SAFB: variants seen among roughly 807,000 people sequenced by gnomAD.
SAFB encodes the protein scaffold attachment factor B1.
Under a neutral mutation model 101.6 loss-of-function variants are expected in SAFB, and 15 were observed. That is an observed-to-expected ratio of 0.15 (90% confidence interval 0.10 to 0.23). SAFB has a LOEUF of 0.23. Among genes scored for constraint, SAFB ranks in the 10% least tolerant of loss-of-function variants. The probability of loss-of-function intolerance (pLI) is 1.00; values close to 1 mark genes in which losing one functional copy is unlikely to be tolerated. For missense variants in SAFB, 930 were observed against 1,104.1 expected (o/e 0.84, Z 2.23); for synonymous variants, 449 against 407.5 (o/e 1.10, Z -1.23).
chr19:5,653,054 AT>A, intron 9 of SAFB, 60 bp from the exon 10 acceptor site: 1 of 1,580,504 alleles, frequency 6.3e-7, no homozygotes, highest in Non-Finnish European at 8.7e-7. Flanking sequence ...GGGTGTTCAT[AT>A]CCCCATGCCC....
intron 2 of SAFB, among the ~76,000 whole-genome samples, chr19:5,635,402 G>A (rs1568252832): frequency 6.6e-6 from 1 of 152,020 alleles, no homozygotes; most frequent in Non-Finnish European, 1.5e-5. Context: ...ATTTCCATAT[G>A]TATCATATAA....
chr19:5,634,973 A>G (rs769307801), intron 2 of SAFB, among the ~76,000 whole-genome samples: 1 of 152,072 alleles, frequency 6.6e-6, no homozygotes, highest in Non-Finnish European at 1.5e-5. Context: ...CCTTGTCTCT[A>G]CAAAAAAATA....
chr19:5,632,041 T>G (rs2053501476), intron 2 of SAFB, among the ~76,000 whole-genome samples: 1 of 152,144 alleles, frequency 6.6e-6, no homozygotes, highest in African/African-American at 2.4e-5. Flanking sequence ...AGGGCAAGAC[T>G]CTGTCTCGAA....
intron 2 of SAFB, among the ~76,000 whole-genome samples, chr19:5,631,300 C>G (rs1261207450): frequency 6.6e-6 from 1 of 152,204 alleles, no homozygotes; most frequent in Non-Finnish European, 1.5e-5. Flanking sequence ...GATTACTTCA[C>G]CAGATATTAG....
intron 14 of SAFB, among the ~76,000 whole-genome samples, chr19:5,659,371 A>G (rs2054142061): frequency 6.6e-6 from 1 of 151,852 alleles, no homozygotes; most frequent in Non-Finnish European, 1.5e-5. Context: ...CTATAAAGTT[A>G]TCACCCTTTT....
intron 14 of SAFB, among the ~76,000 whole-genome samples, chr19:5,660,257 C>G (rs1257531044): frequency 6.8e-6 from 1 of 147,796 alleles, no homozygotes; most frequent in Non-Finnish European, 1.5e-5. Flanking sequence ...TTCTAGATAA[C>G]TTCTAATACA....
rs1272452295 is a variant in SAFB at position 5,661,490 on chromosome 19, C to A, written c.1863-28C>A. 4 of 1,607,868 alleles carry A rather than the reference C, an allele frequency of 2.5e-6. No individual in the cohort carries two copies. In the African/African-American group the frequency reaches 4.0e-5, roughly 16 times the overall value. On this transcript the variant is annotated intron_variant, in intron 14 of 20. Transcript: ENST00000588852. ...GGGACCTGGCTGGGGGTGTCTAGGTCCCCTTCTGCAGCTCTACTGTTGTGC... is the reference window on the plus strand; with the variant it reads ...GGGACCTGGCTGGGGGTGTCTAGGTACCCTTCTGCAGCTCTACTGTTGTGC...
chr19:5,651,768 G>A (rs761526086), intron 9 of SAFB, among the ~76,000 whole-genome samples: 1 of 152,140 alleles, frequency 6.6e-6, no homozygotes, highest in African/African-American at 2.4e-5. Flanking sequence ...AGGGCTCCTC[G>A]TCTCTCTCAG....
chr19:5,658,717 C>G (rs948791589), intron 14 of SAFB, among the ~76,000 whole-genome samples: 9 of 151,998 alleles, frequency 5.9e-5, no homozygotes, highest in Admixed American at 3.3e-4. Context: ...GTGGCGGGCG[C>G]CTGTAGTCCC....
At chr19:5,627,361 G>T (rs1393669036) in intron 2 of SAFB, among the ~76,000 whole-genome samples, 1 of 151,890 alleles carries the variant, frequency 6.6e-6, no homozygotes, top group Non-Finnish European at 1.5e-5. Context: ...CTAGCTACTT[G>T]GGAGGCTAAG....
chr19:5,651,889 G>A (rs111680582), intron 9 of SAFB, among the ~76,000 whole-genome samples: 2 of 152,172 alleles, frequency 1.3e-5, no homozygotes, highest in South Asian at 2.1e-4. Context: ...TACTGACTTC[G>A]AAGAACTTAA....
intron 13 of SAFB, 114 bp downstream of exon 13, chr19:5,654,570 C>A: frequency 1.3e-6 from 1 of 757,390 alleles, no homozygotes; most frequent in Non-Finnish European, 2.3e-6. Flanking sequence ...TCGGCCGTTT[C>A]GAAAATGTAG....
intron 9 of SAFB, 141 bp downstream of exon 9, chr19:5,651,213 G>C: frequency 3.6e-6 from 2 of 557,466 alleles, no homozygotes; most frequent in Non-Finnish European, 3.2e-6. Context: ...GGGTCTGCCC[G>C]TCCACAGGTA....
intron 2 of SAFB, among the ~76,000 whole-genome samples, chr19:5,628,729 C>G (rs73920032): frequency 3.9e-5 from 6 of 152,186 alleles, no homozygotes; most frequent in Non-Finnish European, 8.8e-5. Flanking sequence ...GCTGGGAGAA[C>G]AGCAGAATGA....
rs1389696651 is a variant in SAFB, at chr19:5,667,376, G to A, written c.2483G>A (p.Arg828Gln). Residue 828 changes from arginine (R) to glutamine (Q), a missense_variant, in exon 19 of 21, where the codon CGA (arginine) becomes CAA (glutamine). Transcript: ENST00000588852. This position sits in a 1 kb window ranked among gnomAD's most constrained non-coding sequence, Gnocchi z 4.0. ...RGRRDWGDHG[R>Q]REDDRSWQGT... ...AGACGTGACTGGGGGGACCATGGCC[G>A]AAGAGAGGATGACCGGTCATGGCAG... 1.1e-5 allele frequency: 17 copies of A among 1,508,818 alleles called. No homozygotes were observed. The highest frequency in any genetic ancestry group is 2.5e-5 in the East Asian group (1 of 40,458). 93.5% of individuals were successfully genotyped at this position (1,508,818 alleles called of 1,614,324 possible).
intron 5 of SAFB, among the ~76,000 whole-genome samples, chr19:5,647,131 G>C (rs537618963): frequency 1.3e-5 from 2 of 152,324 alleles, no homozygotes; most frequent in Admixed American, 1.3e-4. Context: ...CATAAAGGCT[G>C]GGGGATCACA....
chr19:5,633,321 C>G (rs988792845), intron 2 of SAFB, among the ~76,000 whole-genome samples: 1 of 152,214 alleles, frequency 6.6e-6, no homozygotes, highest in Non-Finnish European at 1.5e-5. Context: ...CCCTGTCAGA[C>G]AGGCTCCCCT....
Position 5,626,467 on chromosome 19 carries a change from A to G in SAFB, c.252A>G (p.Lys84=), listed in dbSNP as rs2053363516. 2 of 1,606,252 alleles carry G rather than the reference A, an allele frequency of 1.2e-6. No individual in the cohort carries two copies. The highest frequency in any genetic ancestry group is 8.5e-7 in the Non-Finnish European group (1 of 1,172,858). The stretch of plus-strand genomic sequence containing the variant: ...AAATTACCTCCGAGGGAAACAAGAA[A>G]ACATCAAAGAGGTCTAGCAAAGGTA... ...EIEITSEGNK[K]TSKRSSKGRK... The change falls in exon 2 of 21, where the codon AAA becomes AAG. Residue 84 remains lysine, a synonymous_variant. Transcript: ENST00000588852.
chr19:5,659,507 T>G (rs2054145942), intron 14 of SAFB, among the ~76,000 whole-genome samples: 1 of 151,612 alleles, frequency 6.6e-6, no homozygotes, highest in Non-Finnish European at 1.5e-5. Flanking sequence ...TCAGCCTCCC[T>G]AGTAACTGGG....
Sources: allele counts gnomAD v4.1 joint callset (sites outside exome capture counted in the v4.1 genomes callset), GRCh38; gene constraint gnomAD v4.1.1; non-coding constraint Gnocchi (gnomAD v3.1); transcripts MANE v1.5; gene names NCBI Gene and HGNC (gene_info 2026-07-23, HGNC 2026-07-21).